ABCC1: variants seen among roughly 807,000 people sequenced by gnomAD.
The protein encoded by ABCC1 is ATP binding cassette subfamily C member 1 (ABCC1 blood group), also known as multidrug resistance-associated protein 1.
In ABCC1, 83 loss-of-function variants were observed where a neutral mutation model predicts 172.9. That is an observed-to-expected ratio of 0.48 (90% confidence interval 0.40 to 0.58). The LOEUF (loss-of-function observed/expected upper bound fraction) is 0.58. Among genes scored for constraint, ABCC1 ranks in the 20% least tolerant of loss-of-function variants. The pLI is 0.00. For synonymous variants in ABCC1, 937 were observed against 825.2 expected, an observed-to-expected ratio of 1.14 and a Z score of -2.32; for missense variants, 1,817 against 2,002.7, an observed-to-expected ratio of 0.91 and a Z score of 1.77.
intron 12 of ABCC1, among the ~76,000 whole-genome samples, chr16:16,064,274 C>A (rs751736432): frequency 6.6e-6 from 1 of 152,206 alleles, no homozygotes; most frequent in Non-Finnish European, 1.5e-5. Flanking sequence ...GAACTCCAGT[C>A]TCCTGCTGCC....
intron 14 of ABCC1, among the ~76,000 whole-genome samples, chr16:16,075,470 C>T (rs996612388): frequency 6.7e-6 from 1 of 148,256 alleles, no homozygotes; most frequent in Non-Finnish European, 1.5e-5. Flanking sequence ...ACAAAAAATA[C>T]AAAAAAAAAA....
At chr16:15,984,668 A>G (rs2046704161) in intron 1 of ABCC1, among the ~76,000 whole-genome samples, 1 of 151,760 alleles carries the variant, frequency 6.6e-6, no homozygotes, top group African/African-American at 2.4e-5. Flanking sequence ...CTGGTCTCGA[A>G]CCCCTGACCT....
At chr16:15,954,549 C>G (rs1270909923) in intron 1 of ABCC1, among the ~76,000 whole-genome samples, 2 of 123,054 alleles carry the variant, frequency 1.6e-5, no homozygotes, top group Admixed American at 1.7e-4. Context: ...CCGGGAGAGG[C>G]CTGGGCAGGA....
At chr16:15,953,564 C>T (rs902954018) in intron 1 of ABCC1, among the ~76,000 whole-genome samples, 1 of 152,168 alleles carries the variant, frequency 6.6e-6, no homozygotes, top group South Asian at 2.1e-4. Context: ...TTAGCAAGGA[C>T]TTAAAATGTT....
At chr16:16,120,769 A>G (rs894748427) in intron 23 of ABCC1, among the ~76,000 whole-genome samples, 13 of 152,074 alleles carry the variant, frequency 8.5e-5, no homozygotes, top group Non-Finnish European at 1.5e-4. Context: ...GGGAAGAAGC[A>G]TGGTTGGCAA....
chr16:16,142,360 C>T lies in ABCC1; in HGVS notation c.*1079C>T, dbSNP rs557896219. 2 of 152,010 alleles carry T rather than the reference C, an allele frequency of 1.3e-5. No individual in the cohort carries two copies. The highest frequency in any genetic ancestry group is 3.9e-4 in the East Asian group (2 of 5,182). 9.4% of individuals were successfully genotyped at this position (152,010 alleles called of 1,614,324 possible). A position where few individuals can be genotyped will look rare whatever the true frequency, so the allele number is the denominator to read the frequency against. ...TTTTTCTTACCACCTCTTTTCTTTC[C>T]CTCTCATGGTACCTGCTCATGGTTA... On this transcript the variant is annotated 3_prime_UTR_variant, in exon 31 of 31. Transcript: ENST00000399410.
intron 1 of ABCC1, among the ~76,000 whole-genome samples, chr16:15,954,322 G>T (rs187199844): frequency 9.9e-4 from 151 of 152,148 alleles, no homozygotes; most frequent in African/African-American, 3.4e-3. Context: ...GAGCCACCGC[G>T]CTCAGCCTGT....
In ABCC1 at chr16:16,086,826, C is replaced by T. The variant is rs745829672; in HGVS notation, c.2295C>T (p.Gly765=). The change falls in exon 18 of 31, where the codon GGC becomes GGT. Residue 765 remains glycine (G), a splice_region_variant and synonymous_variant. Coordinates refer to ENST00000399410, the MANE Select transcript of ABCC1 (RefSeq NM_004996.4). ...SGDRTEIGEK[G]VNLSGGQKQR... ...CTCCTGTGTGTGTCTCTCCCCAGGG[C>T]GTGAACCTGTCTGGGGGCCAGAAGC... The T allele has an allele frequency of 8.1e-6, 13 of 1,613,470 alleles. No individual in the cohort carries two copies. The East Asian group carries it at 2.0e-4, about 25-fold the overall frequency.
intron 1 of ABCC1, among the ~76,000 whole-genome samples, chr16:15,958,115 T>G (rs1376006524): frequency 2.6e-5 from 4 of 152,142 alleles, no homozygotes; most frequent in Non-Finnish European, 5.9e-5. Context: ...TATTTTATAT[T>G]ATTTTTTTGA....
chr16:16,036,229 A>G (rs754852749), intron 6 of ABCC1, among the ~76,000 whole-genome samples: 1 of 142,274 alleles, frequency 7.0e-6, no homozygotes, highest in Non-Finnish European at 1.6e-5. Context: ...ATGCACCACT[A>G]AAAAAAAAAA....
intron 2 of ABCC1, among the ~76,000 whole-genome samples, chr16:16,008,551 CT>C (rs2047645760): frequency 6.6e-6 from 1 of 151,222 alleles, no homozygotes; most frequent in African/African-American, 2.4e-5. Context: ...TAATTTAAAG[CT>C]ACAGGAAAAT....
intron 7 of ABCC1, among the ~76,000 whole-genome samples, chr16:16,041,874 C>T (rs1371558251): frequency 1.3e-5 from 2 of 151,962 alleles, no homozygotes; most frequent in Non-Finnish European, 2.9e-5. Context: ...AGGCGGGAGG[C>T]TCACCTGAGT....
chr16:15,972,476 A>G (rs1047951004), intron 1 of ABCC1, among the ~76,000 whole-genome samples: 4 of 152,158 alleles, frequency 2.6e-5, no homozygotes, highest in African/African-American at 9.6e-5. Flanking sequence ...CTTTTCCTCA[A>G]GGCCCCTAAA....
chr16:16,076,301 C>T (rs760776465), intron 14 of ABCC1, 25 bp from the exon 15 acceptor site: 12 of 1,610,640 alleles, frequency 7.5e-6, no homozygotes, highest in Non-Finnish European at 1.0e-5. Context: ...TCAGCCTGTC[C>T]CTGACATGTC....
At position 16,007,901 on chromosome 16, in the gene ABCC1, A is replaced by T; in HGVS notation, c.134A>T (p.Tyr45Phe). 1 of 1,612,472 alleles carries T rather than the reference A, an allele frequency of 6.2e-7. No individual in the cohort carries two copies. The highest frequency in any genetic ancestry group is 1.1e-5 in the South Asian group (1 of 90,896). Reference sequence around the variant, plus strand: ...GTCCTCGTGTGGGTGCCTTGTTTTTACCTCTGGGCCTGTTTCCCCTTCTAC... The same window carrying T: ...GTCCTCGTGTGGGTGCCTTGTTTTTTCCTCTGGGCCTGTTTCCCCTTCTAC... The part of the protein sequence containing the change: ...NTVLVWVPCF[Y>F]LWACFPFYFL... Residue 45 changes from tyrosine (Y) to phenylalanine (F), a missense_variant, in exon 2 of 31, where the codon TAC (tyrosine) becomes TTC (phenylalanine). By Grantham distance (22) the Tyr-to-Phe change is conservative. Around this residue, in one of 3 missense-constraint regions of ABCC1, gnomAD observed 398 missense variants for 384.2 expected, o/e 1.04. Transcript: ENST00000399410.
intron 1 of ABCC1, among the ~76,000 whole-genome samples, chr16:15,999,769 TTCTCTCTCTCTCTC>T (rs1228532784): frequency 3.9e-5 from 1 of 25,360 alleles, no homozygotes; most frequent in African/African-American, 1.1e-4. Flanking sequence ...CCCGGCCTCT[TTCTCTCTCTCTCTC>T]TCTCTCTCTC....
chr16:16,008,841 T>TGAA (rs1201075677), intron 2 of ABCC1, among the ~76,000 whole-genome samples: 2 of 68,356 alleles, frequency 2.9e-5, no homozygotes, highest in Admixed American at 1.8e-4. Flanking sequence ...AGACTCCTTC[T>TGAA]CAAAAAAAAA....
chr16:16,058,037 C>T (rs1019535369), intron 12 of ABCC1, among the ~76,000 whole-genome samples: 3 of 152,162 alleles, frequency 2.0e-5, no homozygotes, highest in South Asian at 2.1e-4. Flanking sequence ...ACAGGTTGTT[C>T]CCTGTTTTTT....
intron 13 of ABCC1, among the ~76,000 whole-genome samples, chr16:16,068,514 G>C (rs2050201779): frequency 6.6e-6 from 1 of 152,202 alleles, no homozygotes; most frequent in Non-Finnish European, 1.5e-5. Flanking sequence ...TTGAGTATAT[G>C]AATCAAGTTT....
Sources: allele counts gnomAD v4.1 joint callset (sites outside exome capture counted in the v4.1 genomes callset), GRCh38; gene constraint gnomAD v4.1.1; regional missense constraint gnomAD v4.1.1; transcripts MANE v1.5; gene names NCBI Gene and HGNC (gene_info 2026-07-23, HGNC 2026-07-21).